The following SYNE2 variants were observed in gnomAD, a reference collection of about 807,000 sequenced individuals.
The protein encoded by SYNE2 is spectrin repeat containing nuclear envelope protein 2.
A neutral mutation model predicts 856.3 loss-of-function variants in SYNE2; 431 were observed. That is an observed-to-expected ratio of 0.50 (90% CI 0.47 to 0.55). The LOEUF is 0.55. SYNE2 is among the 20% of genes least tolerant of loss of function. The pLI is 0.00. For missense variants in SYNE2, 8,129 were observed against 8,023.2 expected, an observed-to-expected ratio of 1.01 and a Z score of -0.50; for synonymous variants, 2,923 against 2,872.3, an observed-to-expected ratio of 1.02 and a Z score of -0.56.
chr14:64,091,048 G>A lies in SYNE2; in HGVS notation c.11976G>A (p.Lys3992=). ...CTCAAGAACAAAATGAGTTATTAAAGGTAAGCAGTTTCTGATGACATCCAA... is the reference window on the plus strand; with the variant it reads ...CTCAAGAACAAAATGAGTTATTAAAAGTAAGCAGTTTCTGATGACATCCAA... ...NVTQEQNELL[K]VVIKQTNEWD... Residue 3992 remains lysine (K), a splice_region_variant and synonymous_variant, in exon 60 of 116, where the codon AAG becomes AAA. Transcript: ENST00000555002. 6.2e-7 allele frequency: 1 copy of A among 1,613,758 alleles called. No individual in the cohort carries two copies. The highest frequency in any genetic ancestry group is 1.1e-5 in the South Asian group (1 of 91,040).
Position 64,078,471 on chromosome 14 carries a change from C to G in SYNE2, c.11028C>G (p.Ser3676Arg), listed in dbSNP as rs1221230827. The change falls in exon 55 of 116, where the codon AGC becomes AGG. Residue 3676 changes from serine (S) to arginine (R), a missense_variant. Ser to Arg is a moderately radical substitution (Grantham distance 110, BLOSUM62 -1). Transcript: ENST00000555002. The part of the protein sequence containing the change: ...KALEDIDEKI[S>R]NEVLKSSPSY... ...CGTCTTTGTCTCTTTCACAGATTAGCAATGAAGTCTTAAAAAGCTCACCAT... is the reference window on the plus strand; with the variant it reads ...CGTCTTTGTCTCTTTCACAGATTAGGAATGAAGTCTTAAAAAGCTCACCAT... The G allele has an allele frequency of 1.9e-6, 3 of 1,613,606 alleles. No individual in the cohort carries two copies. The East Asian group carries it at 6.7e-5, about 36-fold the overall frequency.
intron 84 of SYNE2, among the ~76,000 whole-genome samples, chr14:64,151,590 T>G (rs978735847): frequency 6.7e-6 from 1 of 149,494 alleles, no homozygotes; most frequent in Admixed American, 6.6e-5. Context: ...GGGATCCTTA[T>G]GCAAAGCAAT....
At chr14:64,151,291 C>T (rs2098239523) in intron 84 of SYNE2, among the ~76,000 whole-genome samples, 1 of 151,852 alleles carries the variant, frequency 6.6e-6, no homozygotes, top group Non-Finnish European at 1.5e-5. Flanking sequence ...TTCAGTGCTC[C>T]TCTGTGAGGC....
intron 48 of SYNE2, among the ~76,000 whole-genome samples, chr14:64,055,535 A>ATTT (rs1416670833): frequency 6.6e-6 from 1 of 151,552 alleles, no homozygotes; most frequent in Non-Finnish European, 1.5e-5. Context: ...CACCCAACTA[A>ATTT]TTTTTGTATT....
intron 61 of SYNE2, among the ~76,000 whole-genome samples, chr14:64,094,049 T>C (rs895389991): frequency 1.3e-5 from 2 of 152,122 alleles, no homozygotes; most frequent in African/African-American, 4.8e-5. Context: ...CAGTGTCCTG[T>C]GGGCCGGGCG....
chr14:63,982,232 C>G (rs1020448998), intron 16 of SYNE2, among the ~76,000 whole-genome samples: 3 of 152,086 alleles, frequency 2.0e-5, no homozygotes, highest in African/African-American at 7.2e-5. Context: ...AGTTAAGGCT[C>G]CATGAACTAA....
intron 19 of SYNE2, 66 bp downstream of exon 19, chr14:63,986,683 G>C: frequency 3.2e-6 from 5 of 1,563,510 alleles, no homozygotes; most frequent in African/African-American, 1.4e-5. Flanking sequence ...AGTTAAATAA[G>C]AAGTTTTAAA....
At position 63,869,555 on chromosome 14, in the gene SYNE2, G is replaced by T. The variant is rs562384557; in HGVS notation, c.-52+16412G>T. 3.3e-5 allele frequency among the ~76,000 whole-genome samples: 5 copies of T among 151,426 alleles called. No homozygotes were observed. The East Asian group carries it at 7.8e-4, about 24-fold the overall frequency. On this transcript the variant is annotated intron_variant, in intron 1 of 115. Transcript: ENST00000555002. ...GAGAATCGCTTGAAACGGAGGTGGT[G>T]GGGGAAGGGGGCAGAGGTTGCAGTG...
chr14:63,933,401 A>C (rs1175858184), intron 2 of SYNE2, among the ~76,000 whole-genome samples: 2 of 152,126 alleles, frequency 1.3e-5, no homozygotes, highest in East Asian at 3.9e-4. Context: ...AGCTTAACTC[A>C]CTTTGCTTTC....
At chr14:63,916,110 C>T (rs187156785) in intron 2 of SYNE2, among the ~76,000 whole-genome samples, 28 of 150,478 alleles carry the variant, frequency 1.9e-4, no homozygotes, top group African/African-American at 7.0e-4. Context: ...TAGCCTGGGC[C>T]GCAAATATAA....
At chr14:64,037,174 C>T (rs1469669756) in intron 45 of SYNE2, among the ~76,000 whole-genome samples, 5 of 149,272 alleles carry the variant, frequency 3.3e-5, no homozygotes, top group Non-Finnish European at 4.4e-5. Flanking sequence ...GGGTGTTTCT[C>T]GCAGAGGGGG....
intron 77 of SYNE2, among the ~76,000 whole-genome samples, chr14:64,133,130 C>T (rs141165554): frequency 1.2e-4 from 18 of 151,724 alleles, no homozygotes; most frequent in African/African-American, 3.9e-4. Flanking sequence ...GGCGTGAACC[C>T]GGGAGGCAGA....
At chr14:64,071,154 G>C (rs1182514516) in intron 52 of SYNE2, among the ~76,000 whole-genome samples, 1 of 152,042 alleles carries the variant, frequency 6.6e-6, no homozygotes, top group Non-Finnish European at 1.5e-5. Flanking sequence ...TTTTTTGTTT[G>C]TTTGTTTGTT....
chr14:64,177,522 G>A, intron 96 of SYNE2, 39 bp downstream of exon 96: 1 of 1,614,030 alleles, frequency 6.2e-7, no homozygotes, highest in Non-Finnish European at 8.5e-7. Flanking sequence ...TAATCACTTA[G>A]CTGTTTTCTG....
At chr14:64,167,737 C>T in intron 92 of SYNE2, 98 bp downstream of exon 92, 3 of 1,527,572 alleles carry the variant, frequency 2.0e-6, no homozygotes, top group Non-Finnish European at 2.7e-6. Context: ...ACCTATCAGT[C>T]CCTAAACACA....
chr14:64,215,430 G>A (rs1306319987), intron 107 of SYNE2, 76 bp downstream of exon 107: 4 of 1,437,848 alleles, frequency 2.8e-6, no homozygotes, highest in Non-Finnish European at 3.9e-6. Context: ...TCGCTCCCAT[G>A]TCGTGTCTAC....
At chr14:63,854,750 T>C (rs547355824) in intron 1 of SYNE2, among the ~76,000 whole-genome samples, 1 of 152,350 alleles carries the variant, frequency 6.6e-6, no homozygotes, top group East Asian at 1.9e-4. Context: ...ATTAGAAATT[T>C]TTTAGCATTT....
At chr14:63,998,061 A>C (rs546618599) in intron 25 of SYNE2, among the ~76,000 whole-genome samples, 158 bp from the exon 26 acceptor site, 1 of 152,358 alleles carries the variant, frequency 6.6e-6, no homozygotes, top group East Asian at 1.9e-4. Flanking sequence ...TCCTACGGAA[A>C]GACTTTTCTC....
intron 99 of SYNE2, chr14:64,190,950 G>A (rs1483686721): frequency 2.1e-5 from 15 of 702,070 alleles, no homozygotes; most frequent in East Asian, 1.6e-4. Flanking sequence ...CAGTGGCCAC[G>A]TGGCATACAG....
Sources: gnomAD v4.1 joint callset for allele counts (sites outside exome capture counted in the v4.1 genomes callset) on GRCh38, gnomAD v4.1.1 for gene constraint, MANE v1.5 for transcripts, NCBI Gene and HGNC (gene_info 2026-07-23, HGNC 2026-07-21) for gene names.